SLC75A1: variants seen among roughly 807,000 people sequenced by gnomAD.
SLC75A1 encodes solute carrier family 75 member 1.
the SLC75A1 span, chr4:2,933,467 G>T: frequency 3.0e-6 from 4 of 1,316,364 alleles, no homozygotes; most frequent in South Asian, 3.6e-5. Context: ...CCAGGGAGTG[G>T]GAAGGCAAGG....
chr4:2,934,079 G>A, the SLC75A1 span: 8 of 797,748 alleles, frequency 1.0e-5, no homozygotes, highest in South Asian at 9.1e-5. Context: ...CGCAGGGGCC[G>A]TTCTGGCCTG....
chr4:2,932,335 C>T, the SLC75A1 span: 55 of 1,609,116 alleles, frequency 3.4e-5, no homozygotes, highest in Non-Finnish European at 4.6e-5. Context: ...CTGTGGGTCC[C>T]AGACCACAGC....
At chr4:2,932,337 GACC>G in the SLC75A1 span, 3 of 1,609,884 alleles carry the variant, frequency 1.9e-6, no homozygotes, top group Non-Finnish European at 2.5e-6. Flanking sequence ...GTGGGTCCCA[GACC>G]ACAGCCCTAC....
At chr4:2,931,823 A>G in the SLC75A1 span, 1 of 1,596,516 alleles carries the variant, frequency 6.3e-7, no homozygotes, top group Non-Finnish European at 8.5e-7. Context: ...ATGGGGACCC[A>G]CCTACTGAAC....
the SLC75A1 span, chr4:2,930,943 C>T: frequency 1.9e-6 from 3 of 1,613,052 alleles, no homozygotes; most frequent in Middle Eastern, 3.3e-4. Flanking sequence ...GGGCCCCGGC[C>T]AGCCAGTACA....
the SLC75A1 span, chr4:2,933,011 G>A: frequency 7.9e-7 from 1 of 1,263,480 alleles, no homozygotes; most frequent in Non-Finnish European, 1.1e-6. Context: ...GCCATGAGGG[G>A]CCCACAGCCA....
chr4:2,931,682 G>C, the SLC75A1 span: 2 of 1,606,428 alleles, frequency 1.2e-6, no homozygotes, highest in Non-Finnish European at 1.7e-6. Flanking sequence ...GGGTGTGTTA[G>C]TGCAGGGCAC....
At chr4:2,933,307 GTCATGCTGGGCCCTACAC>G in the SLC75A1 span, 2 of 1,216,162 alleles carry the variant, frequency 1.6e-6, no homozygotes, top group Non-Finnish European at 2.4e-6. Flanking sequence ...TGAGGGTCCA[GTCATGCTGGGCCCTACAC>G]TCACAGGCCA....
chr4:2,933,046 T>A, the SLC75A1 span: 1 of 1,525,270 alleles, frequency 6.6e-7, no homozygotes, highest in Non-Finnish European at 9.1e-7. Flanking sequence ...CCTAACCCCA[T>A]GGGGCTACTG....
the SLC75A1 span, chr4:2,932,983 G>A: frequency 1.2e-5 from 13 of 1,065,556 alleles, no homozygotes; most frequent in Middle Eastern, 3.0e-4. Flanking sequence ...TCCAGGATGC[G>A]ATGAGGGCCA....
chr4:2,931,369 A>C, the SLC75A1 span: 4 of 1,547,920 alleles, frequency 2.6e-6, no homozygotes, highest in Admixed American at 7.9e-5. Context: ...GGGCAGGGCC[A>C]CTCACCAAAG....
the SLC75A1 span, chr4:2,934,466 G>GC: frequency 0.059 from 1,460 of 24,874 alleles, 29 homozygotes; most frequent in African/African-American, 0.13. Context: ...TCCCGGTCCC[G>GC]CCCCCACCCC....
At chr4:2,931,455 A>G in the SLC75A1 span, 1 of 1,569,914 alleles carries the variant, frequency 6.4e-7, no homozygotes. Flanking sequence ...GGGCACCAGC[A>G]GCAGGAGGGC....
chr4:2,930,826 A>G, the SLC75A1 span: 3 of 1,612,674 alleles, frequency 1.9e-6, no homozygotes, highest in Non-Finnish European at 2.5e-6. Flanking sequence ...CAGCCTGGGC[A>G]CAGTGGCTCA....
At chr4:2,934,554 C>T in the SLC75A1 span, 1 of 93,590 alleles carries the variant, frequency 1.1e-5, no homozygotes, top group African/African-American at 4.2e-5. Flanking sequence ...AACCCCCACG[C>T]CGCGCGCCTC....
chr4:2,932,590 G>T, the SLC75A1 span: 1 of 1,613,158 alleles, frequency 6.2e-7, no homozygotes, highest in Middle Eastern at 1.7e-4. Flanking sequence ...GGCCCAGCCT[G>T]TGCACTTACC....
chr4:2,931,304 C>T, the SLC75A1 span: 370,884 of 1,548,796 alleles, frequency 0.24, 48,405 homozygotes, highest in Non-Finnish European at 0.27. Context: ...AGGTGCCCGT[C>T]AGCCCAGGGG....
At chr4:2,931,788 C>A in the SLC75A1 span, 1 of 1,560,114 alleles carries the variant, frequency 6.4e-7, no homozygotes. Context: ...GGCGTTATTT[C>A]AGGGAGACAG....
At chr4:2,931,333 C>T in the SLC75A1 span, 1 of 1,543,692 alleles carries the variant, frequency 6.5e-7, no homozygotes, top group Non-Finnish European at 8.7e-7. Context: ...TCACCCAGCC[C>T]CTGCTGCCCA....
Sources: allele counts gnomAD v4.1 joint callset, GRCh38; gene constraint gnomAD v4.1.1; transcripts MANE v1.5; gene names NCBI Gene and HGNC (gene_info 2026-07-23, HGNC 2026-07-21).